Variants in SMCHD1 observed in about 807,000 individuals in gnomAD.
SMCHD1 encodes the protein structural maintenance of chromosomes flexible hinge domain containing 1, also known as structural maintenance of chromosomes flexible hinge domain-containing protein 1.
In SMCHD1, 78 loss-of-function variants were observed where a neutral mutation model predicts 254.7. That is an observed-to-expected ratio of 0.31 (90% CI 0.26 to 0.37). The LOEUF is 0.37. Ranked by LOEUF, SMCHD1 falls within the 10% of genes least tolerant of loss-of-function variation. The pLI, the probability that SMCHD1 is intolerant of heterozygous loss-of-function variation, is 1.00. For missense variants in SMCHD1, 1,840 were observed against 2,408.1 expected (o/e 0.76, Z 4.94); for synonymous variants, 766 against 794.9 (o/e 0.96, Z 0.61).
chr18:2,765,204 C>T (rs1208735469), intron 37 of SMCHD1, among the ~76,000 whole-genome samples: 3 of 151,952 alleles, frequency 2.0e-5, no homozygotes, highest in Admixed American at 6.6e-5. Context: ...GTTTTTAGAA[C>T]TTGCCTTTGT....
intron 3 of SMCHD1, among the ~76,000 whole-genome samples, chr18:2,671,182 C>T (rs1027023429): frequency 7.2e-5 from 11 of 151,824 alleles, no homozygotes; most frequent in African/African-American, 2.7e-4. Flanking sequence ...GCGATCTGCC[C>T]GTCTCGACCT....
At chr18:2,696,454 T>A (rs1044693615) in intron 8 of SMCHD1, among the ~76,000 whole-genome samples, 13 of 152,208 alleles carry the variant, frequency 8.5e-5, no homozygotes, top group African/African-American at 3.1e-4. Context: ...GTGCTCCTTA[T>A]GAGACTCTAG....
At chr18:2,756,978 G>T in intron 34 of SMCHD1, among the ~76,000 whole-genome samples, 1 of 151,646 alleles carries the variant, frequency 6.6e-6, no homozygotes, top group South Asian at 2.1e-4. Flanking sequence ...ACAAACTTTG[G>T]GCTTTTAAAA....
At chr18:2,659,861 CAG>C (rs1406519912) in intron 1 of SMCHD1, among the ~76,000 whole-genome samples, 14 of 151,710 alleles carry the variant, frequency 9.2e-5, no homozygotes, top group African/African-American at 3.4e-4. Context: ...GACTAGTTTG[CAG>C]AGTTTCAGAG....
chr18:2,679,792 T>A (rs2073883773), intron 5 of SMCHD1, among the ~76,000 whole-genome samples: 2 of 152,106 alleles, frequency 1.3e-5, no homozygotes, highest in Non-Finnish European at 2.9e-5. Context: ...TTTTTGGCCA[T>A]TTTTTTCTCT....
chr18:2,738,823 C>G (rs1370806573), intron 26 of SMCHD1, among the ~76,000 whole-genome samples: 1 of 152,074 alleles, frequency 6.6e-6, no homozygotes, highest in Non-Finnish European at 1.5e-5. Context: ...GTGAAAAATA[C>G]AAAAGATACA....
chr18:2,770,753 T>TG, intron 39 of SMCHD1, among the ~76,000 whole-genome samples: 2 of 152,260 alleles, frequency 1.3e-5, no homozygotes, highest in South Asian at 4.1e-4. Context: ...CCCAAGTAGC[T>TG]AGGATTACAG....
Position 2,802,541 on chromosome 18 carries a change from A to G in SMCHD1, c.6007A>G (p.Thr2003Ala), listed in dbSNP as rs775826487. The G allele has an allele frequency of 1.3e-6, 2 of 1,554,286 alleles. No individual in the cohort carries two copies. The highest frequency in any genetic ancestry group is 1.7e-6 in the Non-Finnish European group (2 of 1,148,356). Residue 2003 changes from threonine (T) to alanine (A), a missense_variant, in exon 48 of 48, where the codon ACA becomes GCA. Transcript: ENST00000320876. ...ATRQNRIITK[T>A]DV ...CCCTTTGACCAGGATTATAACCAAA[A>G]CAGATGTATGAGAGGTGACAGAGAG... is the stretch of plus-strand genomic sequence containing the variant.
intron 7 of SMCHD1, among the ~76,000 whole-genome samples, chr18:2,689,920 A>T (rs1311105514): frequency 6.6e-6 from 1 of 151,208 alleles, no homozygotes; most frequent in South Asian, 2.1e-4. Flanking sequence ...GCAGCTCAGC[A>T]GGCTGAGGTG....
chr18:2,722,197 G>T (rs1248772664), intron 19 of SMCHD1, among the ~76,000 whole-genome samples: 1 of 152,044 alleles, frequency 6.6e-6, no homozygotes, highest in Non-Finnish European at 1.5e-5. Context: ...GGTGGCTCAC[G>T]CCTGGGGAGG....
intron 36 of SMCHD1, 32 bp downstream of exon 36, chr18:2,762,268 G>A (rs766911535): frequency 1.2e-6 from 2 of 1,601,556 alleles, no homozygotes; most frequent in Non-Finnish European, 1.7e-6. Context: ...AACTGCGAAG[G>A]GTAACAAGAA....
chr18:2,789,894 A>G (rs530015689), intron 45 of SMCHD1, among the ~76,000 whole-genome samples: 85 of 152,356 alleles, frequency 5.6e-4, no homozygotes, highest in African/African-American at 2.0e-3. Context: ...GATGTTAATA[A>G]TAACTCAGGC....
intron 5 of SMCHD1, among the ~76,000 whole-genome samples, chr18:2,674,931 A>G (rs1271491589): frequency 6.6e-6 from 1 of 152,246 alleles, no homozygotes; most frequent in African/African-American, 2.4e-5. Flanking sequence ...CAGCACCCTC[A>G]GAATTTTAAT....
intron 27 of SMCHD1, among the ~76,000 whole-genome samples, chr18:2,739,832 C>G (rs543448154): frequency 6.6e-6 from 1 of 152,158 alleles, no homozygotes; most frequent in Admixed American, 6.6e-5. Context: ...TGCCTGTAGT[C>G]CCAGTTACCC....
At position 2,762,136 on chromosome 18, in the gene SMCHD1, T is replaced by C. The variant is rs1275474710; in HGVS notation, c.4466T>C (p.Val1489Ala). 1.2e-6 allele frequency: 2 copies of C among 1,613,702 alleles called. No individual in the cohort carries two copies. Among genetic ancestry groups the C allele is most frequent in the Non-Finnish European group, 1.7e-6 (2 of 1,179,652 alleles). The change falls in exon 36 of 48, where the codon GTG (valine) becomes GCG (alanine). Residue 1489 changes from valine to alanine, a missense_variant. This residue lies in a region of SMCHD1 where 881 missense variants were observed against 1,009.5 expected (regional missense o/e 0.87). Coordinates refer to ENST00000320876, the MANE Select transcript of SMCHD1 (RefSeq NM_015295.3). Reference protein sequence around the residue: ...VIVEVLPNQPVKLVPKIKPPT... With the variant: ...VIVEVLPNQPAKLVPKIKPPT... ...GTTGAAGTCCTGCCTAATCAACCTG[T>C]GAAGTTAGTACCTAAAATTAAACCA...
intron 5 of SMCHD1, among the ~76,000 whole-genome samples, chr18:2,682,384 T>TGGCG (rs2073952728): frequency 6.6e-6 from 1 of 151,870 alleles, no homozygotes. Flanking sequence ...TGGAGTGCAG[T>TGGCG]GGCGTGATTT....
intron 17 of SMCHD1, 123 bp downstream of exon 17, chr18:2,708,043 TAGGAATTTC>T: frequency 1.8e-6 from 1 of 543,624 alleles, no homozygotes; most frequent in South Asian, 4.6e-5. Flanking sequence ...TTATTGAAGT[TAGGAATTTC>T]AGGAATGTTA....
intron 1 of SMCHD1, among the ~76,000 whole-genome samples, chr18:2,661,861 A>G (rs1480386219): frequency 2.0e-5 from 3 of 152,162 alleles, no homozygotes; most frequent in African/African-American, 7.2e-5. Context: ...AAAAATCTGT[A>G]AAAAATAAAG....
chr18:2,662,196 T>TAAAG lies in SMCHD1; in HGVS notation c.187-3958_187-3957insGAAA, dbSNP rs774085734. 7.0e-3 allele frequency among the ~76,000 whole-genome samples: 561 copies of TAAAG among 79,812 alleles called. 17 individuals carry two copies. Among genetic ancestry groups the TAAAG allele is most frequent in the Non-Finnish European group, 9.7e-3 (441 of 45,406 alleles). The allele number at this position is 79,812 out of a possible 152,430, so 52.4% of individuals were successfully genotyped here. On this transcript the variant is annotated intron_variant, in intron 1 of 47. Transcript: ENST00000320876. The stretch of plus-strand genomic sequence containing the variant: ...AAAAAAAATAAAATAAATAAATAAA[T>TAAAG]AAATAAAGAAAGAAAGAAAGAAAGA...
Sources: allele counts gnomAD v4.1 joint callset (sites outside exome capture counted in the v4.1 genomes callset), GRCh38; gene constraint gnomAD v4.1.1; regional missense constraint gnomAD v4.1.1; transcripts MANE v1.5; gene names NCBI Gene and HGNC (gene_info 2026-07-23, HGNC 2026-07-21).